The following KLHL30 variants were observed in gnomAD, a reference collection of about 807,000 sequenced individuals.
The protein encoded by KLHL30 is kelch like family member 30.
In KLHL30, 55 loss-of-function variants were observed where a neutral mutation model predicts 55.0. That is an observed-to-expected ratio of 1.00 (90% confidence interval 0.80 to 1.25). The LOEUF (loss-of-function observed/expected upper bound fraction) is 1.25, where lower values mean the gene tolerates loss of function less well. KLHL30 is among the 50% of genes most tolerant of loss of function. The pLI, the probability that KLHL30 is intolerant of heterozygous loss-of-function variation, is 0.00. For synonymous variants in KLHL30, 356 were observed against 372.6 expected, an observed-to-expected ratio of 0.96 and a Z score of 0.51; for missense variants, 786 against 811.6, an observed-to-expected ratio of 0.97 and a Z score of 0.38.
intron 3 of KLHL30, 24 bp from the exon 4 acceptor site, chr2:238,144,878 C>T (rs746998240): frequency 2.7e-5 from 42 of 1,576,804 alleles, no homozygotes; most frequent in Non-Finnish European, 4.3e-6. Flanking sequence ...CAGCCTGACC[C>T]TTCTGCCTCT....
At chr2:238,143,638 G>C (rs11693215) in intron 3 of KLHL30, among the ~76,000 whole-genome samples, 14,477 of 152,306 alleles carry the variant, frequency 0.095, 1,052 homozygotes, top group African/African-American at 0.2. Context: ...GGGGCCACCA[G>C]GCAGGTCGCC....
chr2:238,140,178 C>T (rs1307236599), intron 1 of KLHL30, among the ~76,000 whole-genome samples: 1 of 152,250 alleles, frequency 6.6e-6, no homozygotes, highest in Admixed American at 6.5e-5. Flanking sequence ...CCCTCCAGGA[C>T]TGTTGTGGGG....
intron 3 of KLHL30, among the ~76,000 whole-genome samples, chr2:238,144,432 A>AAGGAAGGAAAGAAGGAAGGAAGGCAGGC (rs1692608040): frequency 9.7e-5 from 8 of 82,454 alleles, no homozygotes; most frequent in Non-Finnish European, 2.1e-4. Flanking sequence ...GGAAGGAAGG[A>AAGGAAGGAAAGAAGGAAGGAAGGCAGGC]AGGCAGGCAG....
At position 238,144,870 on chromosome 2, in the gene KLHL30, G is replaced by T. The variant is rs1692619274; in HGVS notation, c.908-32G>T. 5 of 1,548,072 alleles carry T rather than the reference G, an allele frequency of 3.2e-6. No individual in the cohort carries two copies. The South Asian group carries it at 5.8e-5, about 18-fold the overall frequency. ...GACCACCCCAGCAGGGAGCCTGGCA[G>T]CCTGACCCTTCTGCCTCTCTCTTCC... On this transcript the variant is annotated intron_variant, in intron 3 of 7. Transcript: ENST00000409223.
Position 238,140,750 on chromosome 2 carries a change from G to A in KLHL30, c.-5G>A. 1.9e-5 allele frequency: 29 copies of A among 1,500,894 alleles called. No homozygotes were observed. The highest frequency in any genetic ancestry group is 2.2e-5 in the Non-Finnish European group (25 of 1,117,470). 93.0% of individuals were successfully genotyped at this position (1,500,894 alleles called of 1,614,324 possible). On this transcript the variant is annotated 5_prime_UTR_variant, in exon 2 of 8. Coordinates refer to ENST00000409223, the MANE Select transcript of KLHL30 (RefSeq NM_198582.4). The stretch of plus-strand genomic sequence containing the variant: ...GGACTACTGAGGTCCCCTGGGCACG[G>A]CGTCATGGTGCGGAACGTGGATGAC...
At chr2:238,145,607 T>C in intron 4 of KLHL30, 70 bp from the exon 5 acceptor site, 2 of 1,516,408 alleles carry the variant, frequency 1.3e-6, no homozygotes, top group Non-Finnish European at 1.8e-6. Context: ...CCCTGGACAT[T>C]GGTATCCACA....
chr2:238,141,468 A>G lies in KLHL30; in HGVS notation c.714A>G (p.Ser238=). 2 of 1,517,358 alleles carry G rather than the reference A, an allele frequency of 1.3e-6. No individual in the cohort carries two copies. The highest frequency in any genetic ancestry group is 8.8e-7 in the Non-Finnish European group (1 of 1,138,168). The allele number at this position is 1,517,358 out of a possible 1,614,324, so 94.0% of individuals were successfully genotyped here. Residue 238 remains serine, a synonymous_variant, in exon 2 of 8, where the codon TCA becomes TCG. Transcript: ENST00000409223. ...PRPCVQQLLA[S]EPLIQESEAC... is the part of the protein sequence containing the mutation. The stretch of plus-strand genomic sequence containing the variant: ...CCTGCGTGCAGCAACTGCTGGCCTC[A>G]GAGCCCCTGATCCAGGAGTCAGAGG...
intron 2 of KLHL30, 61 bp from the exon 3 acceptor site, chr2:238,142,738 C>CG: frequency 7.5e-7 from 1 of 1,338,040 alleles, no homozygotes; most frequent in Non-Finnish European, 9.6e-7. Flanking sequence ...CCAGGACACG[C>CG]GGGGGCTCAG....
At chr2:238,142,360 T>C (rs1692558169) in intron 2 of KLHL30, among the ~76,000 whole-genome samples, 1 of 152,160 alleles carries the variant, frequency 6.6e-6, no homozygotes, top group Admixed American at 6.5e-5. Context: ...CCTTGTATTC[T>C]AATTCCTGGC....
chr2:238,149,836 G>A (rs1013400788), intron 7 of KLHL30, among the ~76,000 whole-genome samples: 1 of 152,114 alleles, frequency 6.6e-6, no homozygotes, highest in Non-Finnish European at 1.5e-5. Context: ...GCCTCTGGGC[G>A]GCCTCCCTGG....
In KLHL30 at chr2:238,142,846, G is replaced by A. The variant is rs1692566299; in HGVS notation, c.822G>A (p.Val274=). ...QQKLEEVLVV[V]GGQALEEEEA... ...AGCTGGAGGAGGTCCTGGTGGTGGT[G>A]GGCGGGCAGGCGCTGGAGGAGGAGG... Residue 274 remains valine, a synonymous_variant, in exon 3 of 8, where the codon GTG becomes GTA. Coordinates refer to ENST00000409223, the MANE Select transcript of KLHL30 (RefSeq NM_198582.4). 6.9e-7 allele frequency: 1 copy of A among 1,459,108 alleles called. No individual in the cohort carries two copies. Among genetic ancestry groups the A allele is most frequent in the East Asian group, 2.8e-5 (1 of 36,346 alleles). The allele number at this position is 1,459,108 out of a possible 1,614,324, so 90.4% of individuals were successfully genotyped here.
chr2:238,143,041 T>A, intron 3 of KLHL30, 110 bp downstream of exon 3: 1 of 1,297,944 alleles, frequency 7.7e-7, no homozygotes, highest in Non-Finnish European at 1.0e-6. Flanking sequence ...GACCGGGAGC[T>A]GTGTGAGGCC....
intron 5 of KLHL30, among the ~76,000 whole-genome samples, chr2:238,146,645 G>T (rs1160398669): frequency 6.6e-6 from 1 of 150,764 alleles, no homozygotes; most frequent in Non-Finnish European, 1.5e-5. Context: ...GGGCTCAAGT[G>T]GTCCACCCGC....
intron 4 of KLHL30, among the ~76,000 whole-genome samples, chr2:238,145,371 C>T (rs952627204): frequency 1.1e-4 from 16 of 152,246 alleles, no homozygotes; most frequent in South Asian, 6.2e-4. Flanking sequence ...CAGAAAGAGT[C>T]GTGTGTTGCA....
In KLHL30 at chr2:238,151,198, G is replaced by A; in HGVS notation, c.*133G>A. ...TCCAAGCTGCGCTCAGGCCACCAGG[G>A]GTGATCAGACGGCATGGCTTGGAGG... is the stretch of plus-strand genomic sequence containing the variant. On this transcript the variant is annotated 3_prime_UTR_variant, in exon 8 of 8. Transcript: ENST00000409223. 3 of 1,267,664 alleles carry A rather than the reference G, an allele frequency of 2.4e-6. No homozygotes were observed. Among genetic ancestry groups the A allele is most frequent in the East Asian group, 5.1e-5 (2 of 39,286 alleles). 78.5% of individuals were successfully genotyped at this position (1,267,664 alleles called of 1,614,324 possible).
In KLHL30 at chr2:238,152,673, G is replaced by C. The variant is rs926340003; in HGVS notation, c.*1608G>C. On this transcript the variant is annotated 3_prime_UTR_variant, in exon 8 of 8. Coordinates refer to ENST00000409223, the MANE Select transcript of KLHL30 (RefSeq NM_198582.4). The stretch of plus-strand genomic sequence containing the variant: ...GTGTGGGAGAAGTGAGTTGACCCTG[G>C]AGGGCCAGACAGAGTGGGGCCTCTG... 5 of 152,256 alleles carry C rather than the reference G, an allele frequency of 3.3e-5. No individual in the cohort carries two copies. The highest frequency in any genetic ancestry group is 1.2e-4 in the African/African-American group (5 of 41,452). The allele number at this position is 152,256 out of a possible 1,614,324, so 9.4% of individuals were successfully genotyped here.
In KLHL30 at chr2:238,152,048, C is replaced by G. The variant is rs1366010174; in HGVS notation, c.*983C>G. 2 of 985,378 alleles carry G rather than the reference C, an allele frequency of 2.0e-6. No individual in the cohort carries two copies. Among genetic ancestry groups the G allele is most frequent in the Admixed American group, 1.2e-4 (2 of 16,274 alleles). 61.0% of individuals were successfully genotyped at this position (985,378 alleles called of 1,614,324 possible). ...TTGCAGCTAAGGAGACAATGAAGGA[C>G]TCTCCCTGGGTGCCCAATGGCGTGT... On this transcript the variant is annotated 3_prime_UTR_variant, in exon 8 of 8. Transcript: ENST00000409223.
In KLHL30 at chr2:238,151,072, G is replaced by A. The variant is rs1343471404; in HGVS notation, c.*7G>A. On this transcript the variant is annotated 3_prime_UTR_variant, in exon 8 of 8. Coordinates refer to ENST00000409223, the MANE Select transcript of KLHL30 (RefSeq NM_198582.4). Reference sequence around the variant, plus strand: ...CCCCACCCAGGAGCACTAAACCAGGGCCAGGGTCCCCGGGGAGGAGTCCCC... The same window carrying A: ...CCCCACCCAGGAGCACTAAACCAGGACCAGGGTCCCCGGGGAGGAGTCCCC... 2.5e-6 allele frequency: 4 copies of A among 1,582,292 alleles called. No individual in the cohort carries two copies. Among genetic ancestry groups the A allele is most frequent in the Non-Finnish European group, 3.4e-6 (4 of 1,163,710 alleles).
Position 238,141,232 on chromosome 2 carries a change from G to T in KLHL30, c.478G>T (p.Glu160Ter). The change falls in exon 2 of 8, where the codon GAG becomes TAG. Residue 160 changes from glutamate to a stop codon, truncating the protein, a stop_gained. Coordinates refer to ENST00000409223, the MANE Select transcript of KLHL30 (RefSeq NM_198582.4). LOFTEE classifies it high-confidence loss of function. Reference protein sequence around the residue: ...VAAKAWAFLRENFEAVAREDE... With the variant: ...VAAKAWAFLR ...TGCCAAGGCCTGGGCCTTCCTGCGA[G>T]AGAACTTTGAGGCTGTGGCACGTGA... 1 of 1,608,944 alleles carries T rather than the reference G, an allele frequency of 6.2e-7. No individual in the cohort carries two copies.
Sources: allele counts gnomAD v4.1 joint callset (sites outside exome capture counted in the v4.1 genomes callset), GRCh38; gene constraint gnomAD v4.1.1; transcripts MANE v1.5; gene names NCBI Gene and HGNC (gene_info 2026-07-23, HGNC 2026-07-21).